Variants in SBF2 observed in about 807,000 individuals in gnomAD.
SBF2 encodes the protein SET binding factor 2, also known as myotubularin-related protein 13.
Under a neutral mutation model 225.2 loss-of-function variants are expected in SBF2, and 112 were observed. That is an observed-to-expected ratio of 0.50 (90% CI 0.43 to 0.58). The LOEUF (loss-of-function observed/expected upper bound fraction) is 0.58, where lower values mean the gene tolerates loss of function less well. Among genes scored for constraint, SBF2 ranks in the 20% least tolerant of loss-of-function variants. SBF2 has a pLI of 0.00. For missense variants in SBF2, 1,996 were observed against 2,206.2 expected (o/e 0.90, Z 1.91); for synonymous variants, 763 against 773.3 (o/e 0.99, Z 0.22).
chr11:9,854,399 C>T (rs986050831), intron 19 of SBF2, among the ~76,000 whole-genome samples: 2 of 152,156 alleles, frequency 1.3e-5, no homozygotes, highest in African/African-American at 2.4e-5. Flanking sequence ...TCTTACTGTT[C>T]AACCCATCAG....
Position 10,029,887 on chromosome 11 carries a change from T to C in SBF2, c.403-12A>G. ...AAACCCAGGCAAGCCTGCAAAAAGA[T>C]AAATACATGTAATTATTTCATGGAA... On this transcript the variant is annotated splice_polypyrimidine_tract_variant and intron_variant, in intron 4 of 39. Coordinates refer to ENST00000256190, the MANE Select transcript of SBF2 (RefSeq NM_030962.4). The C allele has an allele frequency of 2.7e-6, 4 of 1,484,996 alleles. No homozygotes were observed. The highest frequency in any genetic ancestry group is 3.8e-6 in the Non-Finnish European group (4 of 1,062,442). The allele number at this position is 1,484,996 out of a possible 1,614,324, so 92.0% of individuals were successfully genotyped here. A position where few individuals can be genotyped will look rare whatever the true frequency, so the allele number is the denominator to read the frequency against.
intron 2 of SBF2, among the ~76,000 whole-genome samples, chr11:10,062,723 C>T (rs765250918): frequency 5.9e-5 from 9 of 152,146 alleles, no homozygotes; most frequent in Non-Finnish European, 1.2e-4. Context: ...AAAGAGAACC[C>T]TTATACACTG....
chr11:10,185,110 G>T (rs1591165347), intron 2 of SBF2, among the ~76,000 whole-genome samples: 1 of 139,452 alleles, frequency 7.2e-6, no homozygotes, highest in Non-Finnish European at 1.6e-5. Context: ...ATAATATTCT[G>T]GGGGGGGGTG....
intron 6 of SBF2, among the ~76,000 whole-genome samples, chr11:10,018,671 G>A (rs887183543): frequency 1.3e-5 from 2 of 152,170 alleles, no homozygotes; most frequent in African/African-American, 4.8e-5. Flanking sequence ...ACTTTCCTCA[G>A]ATTATATCAT....
intron 1 of SBF2, among the ~76,000 whole-genome samples, chr11:10,219,261 T>C (rs972483332): frequency 6.6e-6 from 1 of 152,188 alleles, no homozygotes; most frequent in East Asian, 1.9e-4. Flanking sequence ...CTCAACACCA[T>C]GTGGAAGCTG....
intron 38 of SBF2, among the ~76,000 whole-genome samples, chr11:9,782,465 A>G (rs1307788207): frequency 1.3e-5 from 2 of 152,240 alleles, no homozygotes; most frequent in Non-Finnish European, 1.5e-5. Flanking sequence ...ATGATATCCA[A>G]TAAGGTACTA....
chr11:9,979,267 C>T (rs1261767452), intron 13 of SBF2, among the ~76,000 whole-genome samples: 1 of 152,146 alleles, frequency 6.6e-6, no homozygotes, highest in Non-Finnish European at 1.5e-5. Context: ...CCATGCCTGG[C>T]ACAATATAGC....
At chr11:10,278,552 G>A (rs1006172977) in intron 1 of SBF2, among the ~76,000 whole-genome samples, 5 of 152,070 alleles carry the variant, frequency 3.3e-5, no homozygotes, top group Non-Finnish European at 7.4e-5. Context: ...AGGCCAAGGC[G>A]GGTGGATTAC....
intron 23 of SBF2, 78 bp downstream of exon 23, chr11:9,846,878 A>C (rs1944023820): frequency 6.7e-7 from 1 of 1,498,270 alleles, no homozygotes; most frequent in African/African-American, 1.4e-5. Flanking sequence ...TGAGCACATG[A>C]CCACACAAAA....
chr11:9,879,256 C>A (rs1012477415), intron 17 of SBF2, among the ~76,000 whole-genome samples: 1 of 152,202 alleles, frequency 6.6e-6, no homozygotes, highest in Non-Finnish European at 1.5e-5. Flanking sequence ...ATAATCTATT[C>A]ATAAAGTTCT....
intron 2 of SBF2, among the ~76,000 whole-genome samples, chr11:10,157,802 A>G (rs1955543821): frequency 6.6e-6 from 1 of 152,234 alleles, no homozygotes. Flanking sequence ...CTGGTCCCTG[A>G]TGCCAAAAAG....
intron 17 of SBF2, among the ~76,000 whole-genome samples, chr11:9,876,552 G>A (rs1859259520): frequency 6.6e-6 from 1 of 152,110 alleles, no homozygotes; most frequent in Admixed American, 6.6e-5. Context: ...ACTGCCCCAC[G>A]TTCTGAAGAA....
intron 1 of SBF2, among the ~76,000 whole-genome samples, chr11:10,276,541 C>T (rs1962972329): frequency 6.6e-6 from 1 of 152,178 alleles, no homozygotes; most frequent in Non-Finnish European, 1.5e-5. Flanking sequence ...TACTCATCTC[C>T]ACCTCCCAGT....
At chr11:10,159,873 G>A (rs1459805637) in intron 2 of SBF2, among the ~76,000 whole-genome samples, 1 of 151,494 alleles carries the variant, frequency 6.6e-6, no homozygotes, top group Non-Finnish European at 1.5e-5. Flanking sequence ...CTGGGCAACA[G>A]AGCAAGACTC....
intron 16 of SBF2, among the ~76,000 whole-genome samples, chr11:9,940,329 T>C (rs1304760208): frequency 2.0e-5 from 3 of 152,076 alleles, no homozygotes; most frequent in Non-Finnish European, 4.4e-5. Flanking sequence ...GGTGTGAACC[T>C]GGGAGGCGGA....
chr11:9,807,903 C>T, intron 32 of SBF2, 97 bp downstream of exon 32: 2 of 1,072,904 alleles, frequency 1.9e-6, no homozygotes, highest in Middle Eastern at 2.0e-4. Context: ...AGAGTTATGA[C>T]AGGAAGGTAC....
At chr11:10,116,661 T>C (rs1463044347) in intron 2 of SBF2, among the ~76,000 whole-genome samples, 1 of 152,182 alleles carries the variant, frequency 6.6e-6, no homozygotes, top group Non-Finnish European at 1.5e-5. Context: ...AATTGTCTTT[T>C]TTTTTTCCTC....
At chr11:10,053,719 C>G (rs1238966760) in intron 2 of SBF2, among the ~76,000 whole-genome samples, 1 of 151,412 alleles carries the variant, frequency 6.6e-6, no homozygotes, top group Non-Finnish European at 1.5e-5. Context: ...CGCACCACCA[C>G]ACTTCAGCCT....
chr11:10,001,794 G>A lies in SBF2; in HGVS notation c.752+763C>T, dbSNP rs539839880. 1.7e-3 allele frequency among the ~76,000 whole-genome samples: 264 copies of A among 152,138 alleles called. 1 individual carries two copies. Among genetic ancestry groups the A allele is most frequent in the African/African-American group, 6.1e-3 (255 of 41,512 alleles). On this transcript the variant is annotated intron_variant, in intron 7 of 39. Transcript: ENST00000256190. The stretch of plus-strand genomic sequence containing the variant: ...ACCCGCCTCGGCCTACCAAAGTGCT[G>A]GGATTACAGGTGTGAGCCACTGCGC...
Sources: allele counts gnomAD v4.1 joint callset (sites outside exome capture counted in the v4.1 genomes callset), GRCh38; gene constraint gnomAD v4.1.1; transcripts MANE v1.5; gene names NCBI Gene and HGNC (gene_info 2026-07-23, HGNC 2026-07-21).